Variants in ENPP3 observed in about 807,000 individuals in gnomAD.
The protein encoded by ENPP3 is ectonucleotide pyrophosphatase/phosphodiesterase family member 3.
In ENPP3, 104 loss-of-function variants were observed where a neutral mutation model predicts 117.8. The ratio of observed to expected loss-of-function variants is 0.88; its 90% CI spans 0.75 to 1.04. The LOEUF is 1.04. ENPP3 is among the 50% of genes least tolerant of loss of function. The probability of loss-of-function intolerance (pLI) is 0.00; values close to 1 mark genes in which losing one functional copy is unlikely to be tolerated. For synonymous variants in ENPP3, 380 were observed against 349.9 expected (o/e 1.09, Z -0.96); for missense variants, 1,026 against 1,051.9 (o/e 0.98, Z 0.34).
chr6:131,685,473 T>G lies in ENPP3; in HGVS notation c.1230T>G (p.Asn410Lys). The part of the protein sequence containing the change: ...EGPAPRIRAH[N>K]IPHDFFSFNS... ...CTGCCCCCCGCATCCGAGCTCATAA[T>G]ATACCTCATGACTTTTTTAGTTGTA... The change falls in exon 13 of 25, where the codon AAT (asparagine) becomes AAG (lysine). Residue 410 changes from asparagine to lysine, a missense_variant. Asn to Lys is a moderately conservative substitution (Grantham distance 94). Transcript: ENST00000357639. 1 of 1,613,980 alleles carries G rather than the reference T, an allele frequency of 6.2e-7. No homozygotes were observed. Among genetic ancestry groups the G allele is most frequent in the African/African-American group, 1.3e-5 (1 of 75,042 alleles).
At chr6:131,648,382 AT>A (rs1207145384) in intron 2 of ENPP3, among the ~76,000 whole-genome samples, 1 of 151,716 alleles carries the variant, frequency 6.6e-6, no homozygotes, top group East Asian at 1.9e-4. Flanking sequence ...AGCACCTAAA[AT>A]TTTTTTTGTA....
intron 15 of ENPP3, 80 bp downstream of exon 15, chr6:131,693,704 A>G (rs1435623268): frequency 5.9e-6 from 8 of 1,364,856 alleles, no homozygotes; most frequent in Admixed American, 4.0e-5. Flanking sequence ...TTACCCTGCT[A>G]TTATCATCAC....
At chr6:131,716,513 CA>C (rs1585708968) in intron 15 of ENPP3, among the ~76,000 whole-genome samples, 1 of 151,174 alleles carries the variant, frequency 6.6e-6, no homozygotes, top group East Asian at 2.0e-4. Context: ...GAAAATTTAC[CA>C]AAAAACTTAG....
chr6:131,678,297 G>A (rs1271338124), intron 11 of ENPP3, among the ~76,000 whole-genome samples: 1 of 152,198 alleles, frequency 6.6e-6, no homozygotes, highest in African/African-American at 2.4e-5. Context: ...TAAGTCACCT[G>A]CAAGTCCACT....
At chr6:131,735,999 T>G (rs1336107142) in intron 21 of ENPP3, among the ~76,000 whole-genome samples, 1 of 152,306 alleles carries the variant, frequency 6.6e-6, no homozygotes, top group Non-Finnish European at 1.5e-5. Context: ...TGAAATCAAA[T>G]GAAAAAGGAT....
At chr6:131,695,911 G>T (rs953181834) in intron 15 of ENPP3, among the ~76,000 whole-genome samples, 2 of 151,304 alleles carry the variant, frequency 1.3e-5, no homozygotes, top group Non-Finnish European at 1.5e-5. Flanking sequence ...GCAAGACTCT[G>T]TCTCAAAAAA....
intron 15 of ENPP3, among the ~76,000 whole-genome samples, chr6:131,717,905 C>A (rs553673104): frequency 6.6e-6 from 1 of 152,238 alleles, no homozygotes; most frequent in South Asian, 2.1e-4. Flanking sequence ...CAAATCCTTA[C>A]CATTGTGTTA....
rs767600382 is a variant in ENPP3, at chr6:131,733,736, CT to C, written c.2089+19del. ...CTCTATCCTCCTGGTTAGTAGAACTCTTTTTTAGAGCAGTAGCTTAGAAAGC... is the reference window on the plus strand; with the variant it reads ...CTCTATCCTCCTGGTTAGTAGAACTCTTTTTAGAGCAGTAGCTTAGAAAGC... On this transcript the variant is annotated intron_variant, in intron 21 of 24. Coordinates refer to ENST00000357639, the MANE Select transcript of ENPP3 (RefSeq NM_005021.5). 3 of 1,612,716 alleles carry C rather than the reference CT, an allele frequency of 1.9e-6. No individual in the cohort carries two copies. The highest frequency in any genetic ancestry group is 2.5e-6 in the Non-Finnish European group (3 of 1,179,080).
chr6:131,670,058 A>G (rs905648649), intron 6 of ENPP3, among the ~76,000 whole-genome samples: 2 of 152,246 alleles, frequency 1.3e-5, no homozygotes, highest in Non-Finnish European at 2.9e-5. Context: ...CTCTTTAAAC[A>G]GGGTTATTGC....
chr6:131,719,529 G>A (rs146093159), intron 16 of ENPP3, among the ~76,000 whole-genome samples: 2 of 151,746 alleles, frequency 1.3e-5, no homozygotes, highest in South Asian at 2.1e-4. Flanking sequence ...ATTTGAAAAC[G>A]ATCTCTGGAG....
chr6:131,709,655 C>G (rs761073654), intron 15 of ENPP3: 28 of 1,612,428 alleles, frequency 1.7e-5, no homozygotes, highest in Non-Finnish European at 2.2e-5. Context: ...TAGGAAATAA[C>G]CTGCTTTTGA....
chr6:131,674,472 G>A (rs2114385047), intron 8 of ENPP3, 191 bp downstream of exon 8: 2 of 616,366 alleles, frequency 3.2e-6, no homozygotes, highest in South Asian at 1.9e-5. Flanking sequence ...ACTCAAATAG[G>A]TATGTTTAAA....
At position 131,738,077 on chromosome 6, in the gene ENPP3, A is replaced by G. The variant is rs1780439389; in HGVS notation, c.2214A>G (p.Thr738=). ...GTGTTCTTCTTATAAAACATGCCAC[A>G]GAAAGAAATGGAGTAAATGTGGTTA... is the stretch of plus-strand genomic sequence containing the variant. The part of the protein sequence containing the change: ...FHSVLLIKHA[T]ERNGVNVVSG... Residue 738 remains threonine (T), a synonymous_variant, in exon 23 of 25, where the codon ACA becomes ACG. Transcript: ENST00000357639. The G allele has an allele frequency of 6.2e-7, 1 of 1,606,308 alleles. No individual in the cohort carries two copies. Among genetic ancestry groups the G allele is most frequent in the Non-Finnish European group, 8.5e-7 (1 of 1,174,292 alleles).
intron 9 of ENPP3, 37 bp downstream of exon 9, chr6:131,675,226 A>G (rs1467567377): frequency 8.1e-7 from 1 of 1,237,098 alleles, no homozygotes; most frequent in East Asian, 2.3e-5. Context: ...CCAGCTAGGC[A>G]GAAATGATCA....
intron 6 of ENPP3, among the ~76,000 whole-genome samples, chr6:131,670,934 T>C (rs576965136): frequency 6.6e-6 from 1 of 152,332 alleles, no homozygotes; most frequent in East Asian, 1.9e-4. Flanking sequence ...TGTCTATGGA[T>C]GCTTTGGGGC....
chr6:131,637,549 C>A, intron 1 of ENPP3, 87 bp downstream of exon 1: 1 of 719,924 alleles, frequency 1.4e-6, no homozygotes, highest in South Asian at 2.5e-5. Flanking sequence ...CTTTGTGTTG[C>A]TATTAAAATG....
chr6:131,716,903 A>G (rs55861824), intron 15 of ENPP3, among the ~76,000 whole-genome samples: 2 of 146,888 alleles, frequency 1.4e-5, no homozygotes, highest in African/African-American at 5.0e-5. Context: ...CCCAGGAGGC[A>G]GAGGTTGCAG....
chr6:131,715,842 G>C (rs919053093), intron 15 of ENPP3, among the ~76,000 whole-genome samples: 1 of 151,976 alleles, frequency 6.6e-6, no homozygotes, highest in Non-Finnish European at 1.5e-5. Context: ...GGCTTGCCAG[G>C]TCCAGCCCCA....
intron 6 of ENPP3, among the ~76,000 whole-genome samples, chr6:131,668,206 GTTTTTTTTT>G (rs557047103): frequency 1.4e-5 from 1 of 69,906 alleles, no homozygotes; most frequent in South Asian, 6.3e-4. Flanking sequence ...CTCGCTCTGC[GTTTTTTTTT>G]TTTTTTTTTT....
Sources: allele counts gnomAD v4.1 joint callset (sites outside exome capture counted in the v4.1 genomes callset), GRCh38; gene constraint gnomAD v4.1.1; transcripts MANE v1.5; gene names NCBI Gene and HGNC (gene_info 2026-07-23, HGNC 2026-07-21).